Variants in FAM241A observed in about 807,000 individuals in gnomAD.
The protein encoded by FAM241A is family with sequence similarity 241 member A.
A neutral mutation model predicts 12.2 loss-of-function variants in FAM241A; 7 were observed. That is an observed-to-expected ratio of 0.58 (90% CI 0.33 to 1.08). The LOEUF (loss-of-function observed/expected upper bound fraction) is 1.08, where lower values mean the gene tolerates loss of function less well. Among genes scored for constraint, FAM241A ranks in the 50% least tolerant of loss-of-function variants. The probability of loss-of-function intolerance (pLI) is 0.04; values close to 1 mark genes in which losing one functional copy is unlikely to be tolerated. For synonymous variants in FAM241A, 74 were observed against 68.2 expected (o/e 1.08, Z -0.42); for missense variants, 161 against 169.7 (o/e 0.95, Z 0.29).
At chr4:112,159,119 G>A (rs1723411091) in intron 1 of FAM241A, among the ~76,000 whole-genome samples, 1 of 152,276 alleles carries the variant, frequency 6.6e-6, no homozygotes, top group East Asian at 1.9e-4. Context: ...AGTGGTCATG[G>A]AAGAGCTCAC....
At chr4:112,146,278 C>G (rs1189671729) in intron 1 of FAM241A, among the ~76,000 whole-genome samples, 1 of 151,972 alleles carries the variant, frequency 6.6e-6, no homozygotes, top group Non-Finnish European at 1.5e-5. Context: ...AGGGACTCTC[C>G]CAGAGCACGT....
At chr4:112,182,231 G>A (rs1374023261) in intron 1 of FAM241A, among the ~76,000 whole-genome samples, 2 of 152,074 alleles carry the variant, frequency 1.3e-5, no homozygotes, top group Non-Finnish European at 2.9e-5. Flanking sequence ...GAGAGCCCTC[G>A]TCCTCACAAA....
At chr4:112,179,957 G>GTA (rs550189017) in intron 1 of FAM241A, among the ~76,000 whole-genome samples, 55 of 126,044 alleles carry the variant, frequency 4.4e-4, no homozygotes, top group African/African-American at 1.4e-3. Flanking sequence ...GTGTGTGTGT[G>GTA]TGTATATATA....
chr4:112,157,519 A>C (rs1322640566), intron 1 of FAM241A, among the ~76,000 whole-genome samples: 1 of 152,090 alleles, frequency 6.6e-6, no homozygotes, highest in Non-Finnish European at 1.5e-5. Flanking sequence ...GATAGCAGGG[A>C]TATGTATGTC....
rs1724127188 is a variant in FAM241A at position 112,189,821 on chromosome 4, A to G, written c.*2883A>G. On this transcript the variant is annotated 3_prime_UTR_variant, in exon 2 of 2. Transcript: ENST00000309733. The stretch of plus-strand genomic sequence containing the variant: ...CATGGTGAGAGTATTTACACCAAAA[A>G]AATTAGTAAACACTGCAAATCAGAT... The G allele has an allele frequency of 6.6e-6, 1 of 151,576 alleles. No individual in the cohort carries two copies. Among genetic ancestry groups the G allele is most frequent in the African/African-American group, 2.4e-5 (1 of 41,170 alleles). 9.4% of individuals were successfully genotyped at this position (151,576 alleles called of 1,614,324 possible).
In FAM241A at chr4:112,179,581, A is replaced by T. The variant is rs186685645; in HGVS notation, c.154-7112A>T. On this transcript the variant is annotated intron_variant, in intron 1 of 1. Transcript: ENST00000309733. ...AGTGGGGTGGGGAGAAGGGGGAGGG[A>T]TAGCATGAGGAGATATATCTAATGT... 1.7e-3 allele frequency among the ~76,000 whole-genome samples: 263 copies of T among 152,152 alleles called. 2 individuals are homozygous for T. The highest frequency in any genetic ancestry group is 6.6e-3 in the Admixed American group (101 of 15,276).
intron 1 of FAM241A, among the ~76,000 whole-genome samples, chr4:112,147,381 C>G (rs1400252866): frequency 6.6e-6 from 1 of 152,146 alleles, no homozygotes; most frequent in East Asian, 1.9e-4. Context: ...GAAAATCACA[C>G]CGGAGATAGG....
At chr4:112,177,538 C>G (rs1469032764) in intron 1 of FAM241A, among the ~76,000 whole-genome samples, 1 of 152,090 alleles carries the variant, frequency 6.6e-6, no homozygotes, top group African/African-American at 2.4e-5. Flanking sequence ...GTTTCCTTAT[C>G]TATAAATGGG....
At chr4:112,162,835 A>C (rs1308199341) in intron 1 of FAM241A, among the ~76,000 whole-genome samples, 2 of 152,240 alleles carry the variant, frequency 1.3e-5, no homozygotes, top group African/African-American at 4.8e-5. Flanking sequence ...GAACCAAAAA[A>C]AGAGCCCGCA....
In FAM241A at chr4:112,187,030, G is replaced by T; in HGVS notation, c.*92G>T. 2 of 1,455,576 alleles carry T rather than the reference G, an allele frequency of 1.4e-6. No homozygotes were observed. Among genetic ancestry groups the T allele is most frequent in the Non-Finnish European group, 1.9e-6 (2 of 1,078,784 alleles). 90.2% of individuals were successfully genotyped at this position (1,455,576 alleles called of 1,614,324 possible). On this transcript the variant is annotated 3_prime_UTR_variant, in exon 2 of 2. Coordinates refer to ENST00000309733, the MANE Select transcript of FAM241A (RefSeq NM_152400.3). ...CACTTTTTGACAACCGAAAAAGTTT[G>T]CCTTGTTTCAAATCATGTGCTGGCT...
chr4:112,164,372 T>C (rs898964463), intron 1 of FAM241A, among the ~76,000 whole-genome samples: 2 of 151,130 alleles, frequency 1.3e-5, no homozygotes, highest in African/African-American at 4.9e-5. Flanking sequence ...CACTGCATGT[T>C]CTCACTCATA....
intron 1 of FAM241A, among the ~76,000 whole-genome samples, chr4:112,165,565 A>G (rs922106171): frequency 2.6e-5 from 4 of 152,238 alleles, no homozygotes; most frequent in Admixed American, 2.0e-4. Flanking sequence ...AGGGAGTACT[A>G]TTCAGCCGTT....
rs1724097695 is a variant in FAM241A, at chr4:112,188,819, T to C, written c.*1881T>C. The C allele has an allele frequency of 6.6e-6, 1 of 151,816 alleles. No homozygotes were observed. The highest frequency in any genetic ancestry group is 6.5e-5 in the Admixed American group (1 of 15,270). 9.4% of individuals were successfully genotyped at this position (151,816 alleles called of 1,614,324 possible). On this transcript the variant is annotated 3_prime_UTR_variant, in exon 2 of 2. Coordinates refer to ENST00000309733, the MANE Select transcript of FAM241A (RefSeq NM_152400.3). ...ACATTTTTAAAGTAATTTTTAATAC[T>C]AACTATTTAGTATACTGTCAGTACT...
intron 1 of FAM241A, among the ~76,000 whole-genome samples, chr4:112,170,542 G>A (rs956486090): frequency 1.3e-5 from 2 of 152,104 alleles, no homozygotes; most frequent in African/African-American, 4.8e-5. Flanking sequence ...GATAATTGAG[G>A]TGACTACTAA....
intron 1 of FAM241A, among the ~76,000 whole-genome samples, chr4:112,148,087 C>T (rs1447871830): frequency 1.3e-5 from 2 of 152,106 alleles, no homozygotes; most frequent in Non-Finnish European, 2.9e-5. Flanking sequence ...TTTGTCAACA[C>T]CTAATTTTCT....
At chr4:112,159,741 A>C (rs1327983513) in intron 1 of FAM241A, among the ~76,000 whole-genome samples, 2 of 152,262 alleles carry the variant, frequency 1.3e-5, no homozygotes, top group Non-Finnish European at 2.9e-5. Flanking sequence ...CATGATTAAA[A>C]AACACTAAAA....
At position 112,186,874 on chromosome 4, in the gene FAM241A, T is replaced by C; in HGVS notation, c.335T>C (p.Leu112Pro). 2.5e-6 allele frequency: 4 copies of C among 1,614,162 alleles called. No homozygotes were observed. The highest frequency in any genetic ancestry group is 3.4e-6 in the Non-Finnish European group (4 of 1,179,980). The part of the protein sequence containing the change: ...VIFFWVMLWF[L>P]GLQALGLVAV... Reference sequence around the variant, plus strand: ...TTCTTTTGGGTTATGCTGTGGTTCCTTGGCCTGCAAGCCCTTGGACTAGTT... The same window carrying C: ...TTCTTTTGGGTTATGCTGTGGTTCCCTGGCCTGCAAGCCCTTGGACTAGTT... Residue 112 changes from leucine to proline, a missense_variant, in exon 2 of 2, where the codon CTT becomes CCT. Leu to Pro is a moderately conservative substitution (Grantham distance 98). Coordinates refer to ENST00000309733, the MANE Select transcript of FAM241A (RefSeq NM_152400.3).
At chr4:112,146,171 G>A (rs1723133932) in intron 1 of FAM241A, among the ~76,000 whole-genome samples, 1 of 152,164 alleles carries the variant, frequency 6.6e-6, no homozygotes. Flanking sequence ...GCGTTTCCGA[G>A]CCCACACCTA....
rs1724190647 is a variant in FAM241A at position 112,192,664 on chromosome 4, A to C, written c.*5726A>C. 6.6e-6 allele frequency: 1 copy of C among 151,500 alleles called. No individual in the cohort carries two copies. Among genetic ancestry groups the C allele is most frequent in the Non-Finnish European group, 1.5e-5 (1 of 67,932 alleles). The allele number at this position is 151,500 out of a possible 1,614,324, so 9.4% of individuals were successfully genotyped here. A position where few individuals can be genotyped will look rare whatever the true frequency, so the allele number is the denominator to read the frequency against. On this transcript the variant is annotated 3_prime_UTR_variant, in exon 2 of 2. Transcript: ENST00000309733. ...TTCCAATTTCATCCATGTCCCTACA[A>C]AGGACATGAACTCATCCTTTTTTAT...
Sources: allele counts gnomAD v4.1 joint callset (sites outside exome capture counted in the v4.1 genomes callset), GRCh38; gene constraint gnomAD v4.1.1; transcripts MANE v1.5; gene names NCBI Gene and HGNC (gene_info 2026-07-23, HGNC 2026-07-21).